The following HSPG2 variants were observed in gnomAD, a reference collection of about 807,000 sequenced individuals.
HSPG2 encodes basement membrane-specific heparan sulfate proteoglycan core protein.
HSPG2 carries 278 observed loss-of-function variants against 526.6 expected under a neutral mutation model. That is an observed-to-expected ratio of 0.53 (90% confidence interval 0.48 to 0.58). The LOEUF is 0.58. HSPG2 is among the 20% of genes least tolerant of loss of function. The probability of loss-of-function intolerance (pLI) is 0.00; values close to 1 mark genes in which losing one functional copy is unlikely to be tolerated. For missense variants in HSPG2, 5,354 were observed against 6,099.5 expected (o/e 0.88, Z 4.07); for synonymous variants, 2,465 against 2,555.4 (o/e 0.96, Z 1.07).
chr1:21,855,276 C>G (rs1639244173), intron 47 of HSPG2, 28 bp downstream of exon 47: 1 of 1,589,816 alleles, frequency 6.3e-7, no homozygotes, highest in Admixed American at 1.8e-5. Context: ...TGTGGGCCTC[C>G]TCCTCCTGGG....
rs572663918 is a variant in HSPG2, at chr1:21,855,351, T to C, written c.5950A>G (p.Ser1984Gly). Residue 1984 changes from serine to glycine, a missense_variant, in exon 47 of 97, where the codon AGC becomes GGC. Coordinates refer to ENST00000374695, the MANE Select transcript of HSPG2 (RefSeq NM_005529.7). ...RLYCRAAGVP[S>G]ATITWRKEGG... ...TCCTTCCTCCAGGTGATGGTGGCGC[T>C]AGGCACGCCTGCAGCCCTGCAGTAC... 6.2e-7 allele frequency: 1 copy of C among 1,610,702 alleles called. No individual in the cohort carries two copies. Among genetic ancestry groups the C allele is most frequent in the East Asian group, 2.2e-5 (1 of 44,856 alleles).
intron 1 of HSPG2, among the ~76,000 whole-genome samples, chr1:21,905,171 CCACA>C (rs759299090): frequency 2.4e-3 from 198 of 81,878 alleles, no homozygotes; most frequent in Middle Eastern, 6.8e-3. Flanking sequence ...CACCACCCAC[CCACA>C]CACACACACA....
intron 1 of HSPG2, among the ~76,000 whole-genome samples, chr1:21,923,755 T>C (rs1192807718): frequency 6.6e-6 from 1 of 151,868 alleles, no homozygotes; most frequent in African/African-American, 2.4e-5. Flanking sequence ...CCACTCAGCC[T>C]CTCTCCCCTA....
rs145440568 is a variant in HSPG2 at position 21,889,033 on chromosome 1, C to A, written c.574+948G>T. ...CTCAAACTCCTGGGCTCCGGTGATC[C>A]TCCTGCCTCAGCCTCCTGAGTAGCT... On this transcript the variant is annotated intron_variant, in intron 6 of 96. Transcript: ENST00000374695. Among the ~76,000 whole-genome samples, 1,417 of 152,306 alleles carry A rather than the reference C, an allele frequency of 9.3e-3. 9 individuals carry two copies. The highest frequency in any genetic ancestry group is 0.017 in the Middle Eastern group (5 of 294).
chr1:21,879,403 G>A (rs1293130298), intron 17 of HSPG2, among the ~76,000 whole-genome samples: 1 of 152,190 alleles, frequency 6.6e-6, no homozygotes, highest in Non-Finnish European at 1.5e-5. Flanking sequence ...TCCAGAGTCT[G>A]TTTCTTCTAC....
In HSPG2 at chr1:21,864,991, A is replaced by G. The variant is rs893117984; in HGVS notation, c.4478T>C (p.Ile1493Thr). Reference protein sequence around the residue: ...MALADLDELLIRATFSSVPLA... With the variant: ...MALADLDELLTRATFSSVPLA... ...CGGCACGGAGGAGAACGTGGCCCGG[A>G]TCAGGAGCTCATCCAGGTCGGCCAG... The change falls in exon 36 of 97, where the codon ATC becomes ACC. Residue 1493 changes from isoleucine (I) to threonine (T), a missense_variant. Coordinates refer to ENST00000374695, the MANE Select transcript of HSPG2 (RefSeq NM_005529.7). This position sits in a 1 kb window ranked among gnomAD's most constrained non-coding sequence, Gnocchi z 4.8. The G allele has an allele frequency of 1.8e-5, 29 of 1,586,246 alleles. No individual in the cohort carries two copies. The highest frequency in any genetic ancestry group is 2.4e-5 in the Non-Finnish European group (28 of 1,168,602).
chr1:21,859,902 G>T lies in HSPG2; in HGVS notation c.5115C>A (p.Pro1705=), dbSNP rs370558075. 1 of 1,610,556 alleles carries T rather than the reference G, an allele frequency of 6.2e-7. No homozygotes were observed. The highest frequency in any genetic ancestry group is 8.5e-7 in the Non-Finnish European group (1 of 1,179,390). ...SLRCQVSGSP[P]HYFYWSREDG... is the part of the protein sequence containing the mutation. ...CCTCACGGGACCAATAGAAGTAGTG[G>T]GGTGGGCTCCCACTGACCTGACACC... The change falls in exon 41 of 97, where the codon CCC becomes CCA. Residue 1705 remains proline (P), a synonymous_variant. Coordinates refer to ENST00000374695, the MANE Select transcript of HSPG2 (RefSeq NM_005529.7). The surrounding 1 kb of genome is among the most constrained non-coding windows in gnomAD (Gnocchi z 5.3).
chr1:21,841,754 G>A (rs1025835964), intron 69 of HSPG2, 81 bp from the exon 70 acceptor site: 7 of 1,564,780 alleles, frequency 4.5e-6, no homozygotes, highest in Middle Eastern at 2.1e-4. Context: ...TGTGCCCCTG[G>A]GCCCACTTCC....
In HSPG2 at chr1:21,887,671, T is replaced by A; in HGVS notation, c.707A>T (p.Glu236Val). The change falls in exon 8 of 97, where the codon GAG becomes GTG. Residue 236 changes from glutamate to valine, a missense_variant. Coordinates refer to ENST00000374695, the MANE Select transcript of HSPG2 (RefSeq NM_005529.7). The surrounding 1 kb of genome is among the most constrained non-coding windows in gnomAD (Gnocchi z 5.0). ...RDMSDELNCEEPVLGISPTFS... is the reference protein window; with the variant it reads ...RDMSDELNCEVPVLGISPTFS... ...TGTGGGGCTGATACCCAGGACTGGC[T>A]CCTCTGTGGATAGATTCCGCTTGGC... The A allele has an allele frequency of 6.2e-7, 1 of 1,613,864 alleles. No individual in the cohort carries two copies.
intron 87 of HSPG2, 48 bp downstream of exon 87, chr1:21,829,335 G>T (rs944728189): frequency 4.4e-6 from 7 of 1,573,134 alleles, no homozygotes; most frequent in Non-Finnish European, 6.1e-6. Context: ...GCCGAGGGGG[G>T]CACAAGGCTT....
At position 21,850,156 on chromosome 1, in the gene HSPG2, G is replaced by C. The variant is rs755800755; in HGVS notation, c.7331C>G (p.Ser2444Trp). 1.2e-6 allele frequency: 2 copies of C among 1,613,436 alleles called. No homozygotes were observed. Among genetic ancestry groups the C allele is most frequent in the Non-Finnish European group, 1.7e-6 (2 of 1,180,046 alleles). ...GVTPTVRIESSSSQVAEGQTL... is the reference protein window; with the variant it reads ...GVTPTVRIESWSSQVAEGQTL... ...CTGCCCCTCGGCCACTTGCGAAGAC[G>C]ATGACTCGATCCGGACCGTGGGGGT... The change falls in exon 57 of 97, where the codon TCG becomes TGG. Residue 2444 changes from serine to tryptophan, a missense_variant. Physicochemically the swap from Ser to Trp is radical, Grantham distance 177. Transcript: ENST00000374695.
At chr1:21,846,054 C>T in intron 64 of HSPG2, 54 bp downstream of exon 64, 2 of 1,600,580 alleles carry the variant, frequency 1.2e-6, no homozygotes, top group Non-Finnish European at 1.7e-6. Flanking sequence ...GCCCCCTGGT[C>T]TCTGTCCCTT....
chr1:21,847,670 C>A lies in HSPG2; in HGVS notation c.8025+19G>T. On this transcript the variant is annotated intron_variant, in intron 61 of 96. Transcript: ENST00000374695. This position sits in a 1 kb window ranked among gnomAD's most constrained non-coding sequence, Gnocchi z 4.1. The stretch of plus-strand genomic sequence containing the variant: ...GGAGACCATGGTTCCACCCCCGCTG[C>A]TGTGGCTCCACTCTGTACCTGGTGT... 3.7e-6 allele frequency: 6 copies of A among 1,604,336 alleles called. No homozygotes were observed. The highest frequency in any genetic ancestry group is 5.1e-6 in the Non-Finnish European group (6 of 1,175,632).
In HSPG2 at chr1:21,904,185, G is replaced by A. The variant is rs1643249138; in HGVS notation, c.64-7875C>T. On this transcript the variant is annotated intron_variant, in intron 1 of 96. Transcript: ENST00000374695. The surrounding 1 kb of genome is among the most constrained non-coding windows in gnomAD (Gnocchi z 4.4). ...TGAAGGGGAAGGAAGGGGGCCGGCA[G>A]AGCCCAGGGGAGGGTCCCCTCACTT... Among the ~76,000 whole-genome samples, 1 of 152,222 alleles carries A rather than the reference G, an allele frequency of 6.6e-6. No homozygotes were observed.
Position 21,847,272 on chromosome 1 carries a change from C to G in HSPG2, c.8164+82G>C. 1 of 1,532,532 alleles carries G rather than the reference C, an allele frequency of 6.5e-7. No homozygotes were observed. The highest frequency in any genetic ancestry group is 9.0e-7 in the Non-Finnish European group (1 of 1,108,976). The allele number at this position is 1,532,532 out of a possible 1,614,324, so 94.9% of individuals were successfully genotyped here. ...GGCCCTTGCCTGAGTACCACCAGGT[C>G]TGAGGACTCTGACCTGAAAGTTCCT... On this transcript the variant is annotated intron_variant, in intron 62 of 96. Transcript: ENST00000374695. The surrounding 1 kb of genome is among the most constrained non-coding windows in gnomAD (Gnocchi z 4.1).
In HSPG2 at chr1:21,841,224, G is replaced by A; in HGVS notation, c.9390C>T (p.Val3130=). 1 of 1,613,916 alleles carries A rather than the reference G, an allele frequency of 6.2e-7. No homozygotes were observed. The highest frequency in any genetic ancestry group is 8.5e-7 in the Non-Finnish European group (1 of 1,180,042). The change falls in exon 71 of 97, where the codon GTC becomes GTT. Residue 3130 remains valine (V), a synonymous_variant. Coordinates refer to ENST00000374695, the MANE Select transcript of HSPG2 (RefSeq NM_005529.7). ...CCCCGGCACTGACACACTCCAGGGT[G>A]ACAGCCTTTCCCACTTTCACCCACA... is the stretch of plus-strand genomic sequence containing the variant. ...GPVWVKVGKA[V]TLECVSAGEP...
chr1:21,840,040 G>A (rs1262114176), intron 71 of HSPG2, 23 bp from the exon 72 acceptor site: 1 of 1,610,978 alleles, frequency 6.2e-7, no homozygotes, highest in South Asian at 1.1e-5. Context: ...AAGGAGGCTG[G>A]TTATGTGGGG....
chr1:21,894,048 C>T (rs1642567231), intron 3 of HSPG2, among the ~76,000 whole-genome samples: 1 of 151,810 alleles, frequency 6.6e-6, no homozygotes, highest in South Asian at 2.1e-4. Context: ...AGGGGACACA[C>T]ACAGACATGC....
chr1:21,840,661 G>A (rs530724166), intron 71 of HSPG2, among the ~76,000 whole-genome samples: 6 of 152,058 alleles, frequency 3.9e-5, no homozygotes, highest in Non-Finnish European at 8.8e-5. Context: ...GGGTGGTCTC[G>A]AACTCCTGAC....
Sources: allele counts gnomAD v4.1 joint callset (sites outside exome capture counted in the v4.1 genomes callset), GRCh38; gene constraint gnomAD v4.1.1; non-coding constraint Gnocchi (gnomAD v3.1); transcripts MANE v1.5; gene names NCBI Gene and HGNC (gene_info 2026-07-23, HGNC 2026-07-21).